AKT3: variants seen among roughly 807,000 people sequenced by gnomAD.
The protein encoded by AKT3 is AKT serine/threonine kinase 3, also known as RAC-gamma serine/threonine-protein kinase.
A neutral mutation model predicts 65.3 loss-of-function variants in AKT3; 15 were observed. The ratio of observed to expected loss-of-function variants is 0.23; its 90% CI spans 0.15 to 0.35. AKT3 has a LOEUF of 0.35. AKT3 is among the 10% of genes least tolerant of loss of function. The probability of loss-of-function intolerance (pLI) is 1.00; values close to 1 mark genes in which losing one functional copy is unlikely to be tolerated. For synonymous variants in AKT3, 206 were observed against 183.8 expected (o/e 1.12, Z -0.98); for missense variants, 243 against 576.5 (o/e 0.42, Z 5.92).
chr1:243,770,576 G>A (rs1041058886), intron 2 of AKT3, among the ~76,000 whole-genome samples: 1 of 151,984 alleles, frequency 6.6e-6, no homozygotes, highest in African/African-American at 2.4e-5. Context: ...AATCAGAGTG[G>A]AATCCTTTGT....
At chr1:243,716,170 T>C (rs1686501754) in intron 2 of AKT3, among the ~76,000 whole-genome samples, 1 of 152,138 alleles carries the variant, frequency 6.6e-6, no homozygotes, top group Non-Finnish European at 1.5e-5. Flanking sequence ...ACAATTCTGA[T>C]ATCCTTTACC....
chr1:243,650,138 T>C (rs545561864), intron 4 of AKT3, among the ~76,000 whole-genome samples: 1 of 152,354 alleles, frequency 6.6e-6, no homozygotes, highest in East Asian at 1.9e-4. Flanking sequence ...TCATTGTGTT[T>C]TGATTTGCAT....
chr1:243,821,388 C>A (rs1252005301), intron 2 of AKT3, among the ~76,000 whole-genome samples: 1 of 152,068 alleles, frequency 6.6e-6, no homozygotes, highest in Non-Finnish European at 1.5e-5. Flanking sequence ...GTCTGCAAAA[C>A]CACCAGCTAA....
downstream of AKT3, among the ~76,000 whole-genome samples, chr1:243,496,901 C>T (rs556141909): frequency 3.9e-5 from 6 of 152,210 alleles, no homozygotes; most frequent in Non-Finnish European, 8.8e-5. Flanking sequence ...GATGGGGGCA[C>T]GTTTCCACCA....
At chr1:243,514,317 T>C (rs1200670975) in intron 12 of AKT3, among the ~76,000 whole-genome samples, 3 of 152,156 alleles carry the variant, frequency 2.0e-5, no homozygotes, top group Admixed American at 6.5e-5. Flanking sequence ...GAGAGAATGA[T>C]GACCTGTAAC....
intron 2 of AKT3, among the ~76,000 whole-genome samples, chr1:243,767,571 CAAGA>C (rs1235918976): frequency 1.3e-5 from 2 of 151,698 alleles, no homozygotes; most frequent in Admixed American, 6.6e-5. Context: ...TAATACTTCA[CAAGA>C]AAGAAGTATT....
chr1:243,577,399 A>G (rs986594611), intron 8 of AKT3, among the ~76,000 whole-genome samples: 1 of 152,146 alleles, frequency 6.6e-6, no homozygotes, highest in African/African-American at 2.4e-5. Flanking sequence ...TGCCCACTTC[A>G]GCCTCTCAAA....
chr1:243,572,300 A>G (rs893027069), intron 9 of AKT3, among the ~76,000 whole-genome samples: 1 of 152,142 alleles, frequency 6.6e-6, no homozygotes, highest in Non-Finnish European at 1.5e-5. Context: ...TTACCCTACA[A>G]TGATGGAGTT....
intron 8 of AKT3, among the ~76,000 whole-genome samples, chr1:243,587,536 G>A (rs1020324284): frequency 1.1e-4 from 17 of 152,210 alleles, no homozygotes; most frequent in African/African-American, 3.9e-4. Context: ...GGTTGAACCC[G>A]GGAGGTGGAG....
chr1:243,836,557 C>A (rs1272937340), intron 2 of AKT3, among the ~76,000 whole-genome samples: 2 of 151,360 alleles, frequency 1.3e-5, no homozygotes, highest in Non-Finnish European at 2.9e-5. Context: ...ACTATACCCC[C>A]AAAAAATAAA....
chr1:243,690,263 T>C (rs879511761), intron 3 of AKT3, among the ~76,000 whole-genome samples: 1 of 152,290 alleles, frequency 6.6e-6, no homozygotes, highest in Admixed American at 6.5e-5. Flanking sequence ...ACTCCCACTC[T>C]GGAACTGAGC....
intron 2 of AKT3, among the ~76,000 whole-genome samples, chr1:243,812,347 C>G (rs1693217824): frequency 6.6e-6 from 1 of 152,140 alleles, no homozygotes; most frequent in Non-Finnish European, 1.5e-5. Context: ...ACAACCCCAT[C>G]AACAAGTGGG....
At chr1:243,783,869 T>C (rs913478711) in intron 2 of AKT3, among the ~76,000 whole-genome samples, 1 of 152,150 alleles carries the variant, frequency 6.6e-6, no homozygotes, top group African/African-American at 2.4e-5. Flanking sequence ...TATGCTAGTA[T>C]TATAAATAAA....
chr1:243,841,461 T>C (rs560341798), intron 2 of AKT3, among the ~76,000 whole-genome samples: 11 of 152,244 alleles, frequency 7.2e-5, no homozygotes, highest in Admixed American at 2.0e-4. Flanking sequence ...ATAATATAAA[T>C]ACGTTTAAAA....
chr1:243,535,686 ATATGAG>A (rs1416659102), intron 12 of AKT3, among the ~76,000 whole-genome samples: 1 of 152,218 alleles, frequency 6.6e-6, no homozygotes, highest in African/African-American at 2.4e-5. Context: ...TGCAATAAAC[ATATGAG>A]TATATGTATC....
chr1:243,543,007 GATATTTAA>G (rs764055097), intron 12 of AKT3, among the ~76,000 whole-genome samples: 1 of 152,010 alleles, frequency 6.6e-6, no homozygotes, highest in Non-Finnish European at 1.5e-5. Flanking sequence ...CTTTATGCAA[GATATTTAA>G]CACCTTTGCT....
intron 10 of AKT3, 32 bp from the exon 11 acceptor site, chr1:243,552,975 TTAC>T (rs763101563): frequency 2.7e-6 from 4 of 1,474,892 alleles, no homozygotes; most frequent in Admixed American, 2.1e-5. Flanking sequence ...AGATTAATTA[TTAC>T]ATGTTAACTT....
chr1:243,810,891 T>C (rs1693093761), intron 2 of AKT3, among the ~76,000 whole-genome samples: 1 of 152,316 alleles, frequency 6.6e-6, no homozygotes, highest in South Asian at 2.1e-4. Flanking sequence ...ATCAATAAAG[T>C]AATCCAGCAT....
chr1:243,511,983 A>T (rs908084788), intron 13 of AKT3, among the ~76,000 whole-genome samples: 1 of 152,238 alleles, frequency 6.6e-6, no homozygotes, highest in African/African-American at 2.4e-5. Flanking sequence ...AACGAAGTCT[A>T]GGAAAGAGGG....
Sources: allele counts gnomAD v4.1 joint callset (sites outside exome capture counted in the v4.1 genomes callset), GRCh38; gene constraint gnomAD v4.1.1; transcripts MANE v1.5; gene names NCBI Gene and HGNC (gene_info 2026-07-23, HGNC 2026-07-21).